The following TSC22D1 variants were observed in gnomAD, a reference collection of about 807,000 sequenced individuals.
TSC22D1 encodes the protein TSC22 domain family member 1, also known as TSC22 domain family protein 1.
Under a neutral mutation model 74.2 loss-of-function variants are expected in TSC22D1, and 9 were observed. That is an observed-to-expected ratio of 0.12 (90% confidence interval 0.07 to 0.21). TSC22D1 has a LOEUF of 0.21. TSC22D1 is among the 10% of genes least tolerant of loss of function. The pLI is 1.00. For missense variants in TSC22D1, 1,427 were observed against 1,304.7 expected, an observed-to-expected ratio of 1.09 and a Z score of -1.44; for synonymous variants, 586 against 492.5, an observed-to-expected ratio of 1.19 and a Z score of -2.51.
chr13:44,557,217 C>T (rs534763854), intron 1 of TSC22D1, among the ~76,000 whole-genome samples: 3 of 151,766 alleles, frequency 2.0e-5, no homozygotes, highest in African/African-American at 7.2e-5. Flanking sequence ...AATCCCAGCA[C>T]TTTGGGAGGC....
chr13:44,553,230 AT>A (rs1394097851), intron 1 of TSC22D1, among the ~76,000 whole-genome samples: 4 of 152,230 alleles, frequency 2.6e-5, no homozygotes, highest in African/African-American at 9.6e-5. Flanking sequence ...TTGGATTTCA[AT>A]AAAACCGTCT....
intron 2 of TSC22D1, chr13:44,435,236 C>T (rs1369835896): frequency 5.0e-6 from 1 of 201,678 alleles, no homozygotes; most frequent in East Asian, 1.2e-4. Context: ...GCCCCCAGGC[C>T]CCGCCCCGCG....
intron 1 of TSC22D1, chr13:44,537,606 T>A (rs1302566860): frequency 4.1e-6 from 4 of 984,964 alleles, no homozygotes; most frequent in African/African-American, 1.7e-5. Flanking sequence ...TTGTTTTTTT[T>A]AATTTATATG....
chr13:44,534,360 TTA>T (rs1491377477), intron 1 of TSC22D1, among the ~76,000 whole-genome samples: 1 of 134,120 alleles, frequency 7.5e-6, no homozygotes, highest in Non-Finnish European at 1.6e-5. Flanking sequence ...AGACCCCGTC[TTA>T]AAAAAAAAAA....
chr13:44,569,151 T>C (rs985147826), intron 1 of TSC22D1, among the ~76,000 whole-genome samples: 6 of 152,210 alleles, frequency 3.9e-5, no homozygotes, highest in African/African-American at 7.2e-5. Context: ...TTAATTCTTA[T>C]ATCAACCCAA....
At chr13:44,565,300 A>G (rs534204137) in intron 1 of TSC22D1, among the ~76,000 whole-genome samples, 1 of 151,698 alleles carries the variant, frequency 6.6e-6, no homozygotes, top group Non-Finnish European at 1.5e-5. Flanking sequence ...CTGAAAAGGA[A>G]TGGCCAGAAG....
intron 1 of TSC22D1, among the ~76,000 whole-genome samples, chr13:44,458,596 G>T (rs1024566726): frequency 6.6e-6 from 1 of 151,928 alleles, no homozygotes; most frequent in African/African-American, 2.4e-5. Context: ...AGCTGCAGCT[G>T]CCCAGCCGTA....
At chr13:44,535,713 T>C (rs2138076671) in intron 1 of TSC22D1, among the ~76,000 whole-genome samples, 1 of 152,070 alleles carries the variant, frequency 6.6e-6, no homozygotes, top group African/African-American at 2.4e-5. Context: ...ACCTCGTCAG[T>C]GATGGTGAAA....
chr13:44,510,103 G>T (rs141619278), intron 1 of TSC22D1, among the ~76,000 whole-genome samples: 2 of 151,698 alleles, frequency 1.3e-5, no homozygotes, highest in African/African-American at 2.4e-5. Flanking sequence ...TTTATACTCC[G>T]CTAGGCACGG....
intron 1 of TSC22D1, among the ~76,000 whole-genome samples, chr13:44,494,140 C>T (rs557566604): frequency 3.9e-5 from 6 of 151,966 alleles, no homozygotes; most frequent in African/African-American, 1.4e-4. Flanking sequence ...CTTTGGGAAG[C>T]CAAGGCAGGC....
intron 1 of TSC22D1, among the ~76,000 whole-genome samples, chr13:44,514,903 T>TA (rs1227655406): frequency 6.6e-6 from 1 of 152,012 alleles, no homozygotes; most frequent in African/African-American, 2.4e-5. Context: ...AGTCATTTAT[T>TA]AAAAACATGC....
At chr13:44,514,025 G>T (rs997525239) in intron 1 of TSC22D1, among the ~76,000 whole-genome samples, 3 of 152,112 alleles carry the variant, frequency 2.0e-5, no homozygotes, top group African/African-American at 7.2e-5. Context: ...AGGAAACTGA[G>T]AATAGAAAAT....
chr13:44,443,126 C>T (rs903090530), intron 1 of TSC22D1, among the ~76,000 whole-genome samples: 1 of 151,484 alleles, frequency 6.6e-6, no homozygotes, highest in Non-Finnish European at 1.5e-5. Context: ...AAACAAACCC[C>T]AAACAAGAGA....
intron 1 of TSC22D1, among the ~76,000 whole-genome samples, chr13:44,458,973 C>T (rs1876834599): frequency 6.6e-6 from 1 of 152,142 alleles, no homozygotes; most frequent in African/African-American, 2.4e-5. Flanking sequence ...CAGACAGGTT[C>T]TTGGAGAGAA....
chr13:44,465,573 C>G (rs1877230318), intron 1 of TSC22D1, among the ~76,000 whole-genome samples: 1 of 152,164 alleles, frequency 6.6e-6, no homozygotes. Context: ...AACCACTAGA[C>G]CAGAGGGGGC....
chr13:44,556,919 G>T (rs897734815), intron 1 of TSC22D1, among the ~76,000 whole-genome samples: 1 of 151,906 alleles, frequency 6.6e-6, no homozygotes, highest in African/African-American at 2.4e-5. Flanking sequence ...CGAGGCGGGC[G>T]GATCACCTGA....
At chr13:44,455,425 AG>A (rs1876504779) in intron 1 of TSC22D1, among the ~76,000 whole-genome samples, 1 of 152,248 alleles carries the variant, frequency 6.6e-6, no homozygotes, top group African/African-American at 2.4e-5. Flanking sequence ...TCTTTTTTAA[AG>A]AAACATGCTT....
intron 1 of TSC22D1, among the ~76,000 whole-genome samples, chr13:44,563,766 G>C (rs1009748684): frequency 2.6e-5 from 4 of 152,106 alleles, no homozygotes; most frequent in African/African-American, 9.7e-5. Flanking sequence ...CCAAGTTCCA[G>C]GTACAGTCTA....
chr13:44,562,029 CCTTTAAAAA>C (rs1481286894), intron 1 of TSC22D1, among the ~76,000 whole-genome samples: 1 of 151,926 alleles, frequency 6.6e-6, no homozygotes, highest in Non-Finnish European at 1.5e-5. Context: ...TTCAAAATGA[CCTTTAAAAA>C]ATTATATATA....
Sources: allele counts gnomAD v4.1 joint callset (sites outside exome capture counted in the v4.1 genomes callset), GRCh38; gene constraint gnomAD v4.1.1; transcripts MANE v1.5; gene names NCBI Gene and HGNC (gene_info 2026-07-23, HGNC 2026-07-21).